The following MALRD1 variants were observed in gnomAD, a reference collection of about 807,000 sequenced individuals.
MALRD1 encodes MAM and LDL receptor class A domain containing 1, also known as MAM and LDL-receptor class A domain-containing protein 1.
In MALRD1, 247 loss-of-function variants were observed where a neutral mutation model predicts 242.1. That is an observed-to-expected ratio of 1.02 (90% CI 0.92 to 1.13). The LOEUF is 1.13. MALRD1 is among the 50% of genes most tolerant of loss of function. The pLI, the probability that MALRD1 is intolerant of heterozygous loss-of-function variation, is 0.00. For missense variants in MALRD1, 2,989 were observed against 2,533.1 expected, an observed-to-expected ratio of 1.18 and a Z score of -3.86; for synonymous variants, 995 against 866.6, an observed-to-expected ratio of 1.15 and a Z score of -2.60.
rs1838707119 is a variant in MALRD1, at chr10:19,607,765, T to C, written c.5945-12T>C. The C allele has an allele frequency of 3.9e-6, 6 of 1,544,074 alleles. No individual in the cohort carries two copies. The highest frequency in any genetic ancestry group is 4.4e-6 in the Non-Finnish European group (5 of 1,144,536). Reference sequence around the variant, plus strand: ...GCTGGCATCCCTGATCATTATTCTTTTTTTTTTGCAGCCAACAAAAGCTGT... The same window carrying C: ...GCTGGCATCCCTGATCATTATTCTTCTTTTTTTGCAGCCAACAAAAGCTGT... On this transcript the variant is annotated splice_polypyrimidine_tract_variant and intron_variant, in intron 34 of 39. Transcript: ENST00000454679.
chr10:19,262,683 A>T (rs919961736), intron 19 of MALRD1, among the ~76,000 whole-genome samples: 2 of 150,774 alleles, frequency 1.3e-5, no homozygotes, highest in Non-Finnish European at 3.0e-5. Flanking sequence ...AGCACTTAAG[A>T]TCTACTCTCA....
At position 19,347,950 on chromosome 10, in the gene MALRD1, C is replaced by A. The variant is rs868091169; in HGVS notation, c.4081C>A (p.Pro1361Thr). 1 of 1,550,316 alleles carries A rather than the reference C, an allele frequency of 6.5e-7. No homozygotes were observed. Among genetic ancestry groups the A allele is most frequent in the Non-Finnish European group, 8.7e-7 (1 of 1,146,820 alleles). The change falls in exon 25 of 40, where the codon CCT becomes ACT. Residue 1361 changes from proline (P) to threonine (T), a missense_variant. By Grantham distance (38) the Pro-to-Thr change is conservative (BLOSUM62 -1). Transcript: ENST00000454679. The stretch of plus-strand genomic sequence containing the variant: ...TTACATCTTTATAAAGAGTTTGTTT[C>A]CTCAGCAGCCCATGAGAGCTGCCAG... ...GHYIFIKSLFPQQPMRAARIS... is the reference protein window; with the variant it reads ...GHYIFIKSLFTQQPMRAARIS...
chr10:19,492,864 C>G (rs1432185185), intron 30 of MALRD1, among the ~76,000 whole-genome samples: 2 of 152,116 alleles, frequency 1.3e-5, no homozygotes, highest in Non-Finnish European at 2.9e-5. Flanking sequence ...AACTACCACA[C>G]AAGCATATTT....
intron 9 of MALRD1, 143 bp from the exon 10 acceptor site, chr10:19,136,431 T>C (rs1334852521): frequency 2.4e-6 from 1 of 415,170 alleles, no homozygotes; most frequent in Non-Finnish European, 4.1e-6. Context: ...GTTGAGGTTA[T>C]CAAACAGGAA....
intron 36 of MALRD1, among the ~76,000 whole-genome samples, chr10:19,651,632 G>T (rs569246960): frequency 6.6e-6 from 1 of 152,220 alleles, no homozygotes; most frequent in South Asian, 2.1e-4. Flanking sequence ...AAAACATAAA[G>T]AAGGCAATTA....
intron 36 of MALRD1, among the ~76,000 whole-genome samples, chr10:19,641,873 C>G (rs1840398456): frequency 6.6e-6 from 1 of 151,974 alleles, no homozygotes; most frequent in African/African-American, 2.4e-5. Context: ...TTAAATGACC[C>G]AAGTGGTGTT....
At chr10:19,448,572 T>A (rs957891472) in intron 28 of MALRD1, among the ~76,000 whole-genome samples, 2 of 152,186 alleles carry the variant, frequency 1.3e-5, no homozygotes, top group African/African-American at 4.8e-5. Flanking sequence ...GTTAATATGC[T>A]GTTTTAATGA....
At chr10:19,674,727 G>T (rs143568206) in intron 36 of MALRD1, among the ~76,000 whole-genome samples, 1 of 151,954 alleles carries the variant, frequency 6.6e-6, no homozygotes, top group Non-Finnish European at 1.5e-5. Context: ...TTCTTGGAAG[G>T]ACTACACTCC....
intron 39 of MALRD1, among the ~76,000 whole-genome samples, chr10:19,733,318 C>T (rs1325488345): frequency 3.9e-5 from 6 of 152,134 alleles, no homozygotes; most frequent in Non-Finnish European, 8.8e-5. Context: ...ATTTCCTCAC[C>T]CTCCAGAAGG....
chr10:19,465,933 G>A (rs748934730), intron 29 of MALRD1, among the ~76,000 whole-genome samples: 4 of 151,932 alleles, frequency 2.6e-5, no homozygotes, highest in Non-Finnish European at 5.9e-5. Flanking sequence ...TTTCAATTTA[G>A]GTGAAATAAT....
intron 38 of MALRD1, among the ~76,000 whole-genome samples, chr10:19,699,941 A>G (rs1244165174): frequency 6.6e-6 from 1 of 152,002 alleles, no homozygotes; most frequent in Non-Finnish European, 1.5e-5. Flanking sequence ...TTGGGTGGCA[A>G]CAAATAACCA....
chr10:19,495,041 A>G (rs1837651052), intron 30 of MALRD1, among the ~76,000 whole-genome samples: 1 of 151,790 alleles, frequency 6.6e-6, no homozygotes, highest in Non-Finnish European at 1.5e-5. Flanking sequence ...AAGTGGCATA[A>G]TCTCAGCTCA....
chr10:19,686,905 G>A (rs1214586922), intron 36 of MALRD1, among the ~76,000 whole-genome samples: 1 of 151,606 alleles, frequency 6.6e-6, no homozygotes, highest in Non-Finnish European at 1.5e-5. Flanking sequence ...ACACTTACTA[G>A]ACACACAAAA....
intron 14 of MALRD1, among the ~76,000 whole-genome samples, chr10:19,176,069 C>A (rs189262432): frequency 1.5e-3 from 226 of 152,194 alleles, no homozygotes; most frequent in African/African-American, 4.8e-3. Context: ...CCTCAGATCT[C>A]AATGAATCTG....
intron 19 of MALRD1, among the ~76,000 whole-genome samples, chr10:19,261,797 G>A: frequency 6.6e-6 from 1 of 151,316 alleles, no homozygotes; most frequent in Non-Finnish European, 1.5e-5. Flanking sequence ...TGCCTGCCTT[G>A]TAATTTTAAT....
At chr10:19,414,526 T>C (rs767747139) in intron 28 of MALRD1, among the ~76,000 whole-genome samples, 1 of 152,230 alleles carries the variant, frequency 6.6e-6, no homozygotes, top group Non-Finnish European at 1.5e-5. Flanking sequence ...GATTGCCATG[T>C]AATTTTAGTG....
intron 7 of MALRD1, among the ~76,000 whole-genome samples, 195 bp downstream of exon 7, chr10:19,124,865 TAAC>T (rs1226932173): frequency 6.7e-6 from 1 of 148,996 alleles, no homozygotes; most frequent in African/African-American, 2.5e-5. Context: ...TATACTAGGT[TAAC>T]AATATTTTTT....
At chr10:19,639,213 G>A (rs1052945487) in intron 36 of MALRD1, among the ~76,000 whole-genome samples, 16 of 152,120 alleles carry the variant, frequency 1.1e-4, no homozygotes, top group Admixed American at 5.2e-4. Context: ...TTCAGAAAAA[G>A]TATCCATTAT....
intron 36 of MALRD1, among the ~76,000 whole-genome samples, chr10:19,655,336 G>A (rs1841091371): frequency 6.6e-6 from 1 of 151,782 alleles, no homozygotes; most frequent in Non-Finnish European, 1.5e-5. Context: ...GACAGGAAGA[G>A]ACAAGTAATT....
Sources: gnomAD v4.1 joint callset for allele counts (sites outside exome capture counted in the v4.1 genomes callset) on GRCh38, gnomAD v4.1.1 for gene constraint, MANE v1.5 for transcripts, NCBI Gene and HGNC (gene_info 2026-07-23, HGNC 2026-07-21) for gene names.